The following GYPE variants were observed in gnomAD, a reference collection of about 807,000 sequenced individuals.
The protein encoded by GYPE is glycophorin-E.
GYPE carries 8 observed loss-of-function variants against 11.6 expected under a neutral mutation model. The ratio of observed to expected loss-of-function variants is 0.69; its 90% CI spans 0.41 to 1.25. The LOEUF (loss-of-function observed/expected upper bound fraction) is 1.25. Ranked by LOEUF, GYPE falls within the 50% of genes most tolerant of loss-of-function variation. The pLI, the probability that GYPE is intolerant of heterozygous loss-of-function variation, is 0.01. For missense variants in GYPE, 90 were observed against 92.8 expected (o/e 0.97, Z 0.12); for synonymous variants, 28 against 29.6 (o/e 0.94, Z 0.18).
At chr4:143,902,326 C>T (rs1182385314) in intron 1 of GYPE, among the ~76,000 whole-genome samples, 10 of 119,126 alleles carry the variant, frequency 8.4e-5, no homozygotes, top group African/African-American at 2.8e-4. Flanking sequence ...GCAAGGCTCT[C>T]TTCTTGGATC....
chr4:143,900,849 A>G (rs1297818279), intron 1 of GYPE, among the ~76,000 whole-genome samples: 11 of 152,152 alleles, frequency 7.2e-5, no homozygotes. Context: ...GTGGCTGCTA[A>G]TGGGTAAGAG....
At chr4:143,890,637 A>G (rs6537206) in intron 1 of GYPE, among the ~76,000 whole-genome samples, 141,219 of 152,222 alleles carry the variant, frequency 0.93, 66,460 homozygotes, top group East Asian at 1. Flanking sequence ...ATAGATTAAT[A>G]TATGTAAACT....
intron 1 of GYPE, among the ~76,000 whole-genome samples, chr4:143,898,845 A>G (rs1387857719): frequency 3.9e-5 from 6 of 152,120 alleles, no homozygotes; most frequent in Non-Finnish European, 8.8e-5. Context: ...AGAATAGTTC[A>G]GGAAAGGTAG....
intron 3 of GYPE, among the ~76,000 whole-genome samples, 159 bp downstream of exon 3, chr4:143,876,587 A>C (rs552943591): frequency 1.3e-4 from 20 of 152,292 alleles, no homozygotes; most frequent in African/African-American, 4.3e-4. Context: ...AAAATAAATT[A>C]TGCTAGAGAA....
intron 1 of GYPE, among the ~76,000 whole-genome samples, chr4:143,885,115 A>G (rs1023611193): frequency 1.7e-4 from 26 of 151,942 alleles, no homozygotes; most frequent in African/African-American, 4.4e-4. Context: ...TCACTTCTTA[A>G]CATTCCTTTG....
At chr4:143,876,887 G>C in intron 2 of GYPE, 32 bp from the exon 3 acceptor site, 2 of 1,220,250 alleles carry the variant, frequency 1.6e-6, no homozygotes, top group Non-Finnish European at 2.4e-6. Context: ...GCAAAATTAT[G>C]AAAGTCTGAA....
intron 1 of GYPE, among the ~76,000 whole-genome samples, chr4:143,903,275 C>T (rs2149918246): frequency 6.6e-6 from 1 of 151,324 alleles, no homozygotes; most frequent in South Asian, 2.1e-4. Context: ...TCCACTGTGC[C>T]CAACCTCCGT....
At chr4:143,875,088 G>A (rs1273959529) in intron 3 of GYPE, among the ~76,000 whole-genome samples, 17 of 152,124 alleles carry the variant, frequency 1.1e-4, no homozygotes, top group African/African-American at 4.1e-4. Context: ...GGCACCTTGG[G>A]TACTTGACTG....
chr4:143,894,253 G>C (rs1360997216), intron 1 of GYPE, among the ~76,000 whole-genome samples: 1 of 151,784 alleles, frequency 6.6e-6, no homozygotes, highest in Non-Finnish European at 1.5e-5. Flanking sequence ...CCTTTGGTTT[G>C]AATTTCCTCC....
intron 3 of GYPE, chr4:143,873,418 G>T (rs1335260155): frequency 2.2e-6 from 1 of 455,304 alleles, no homozygotes; most frequent in African/African-American, 2.0e-5. Flanking sequence ...AATAATAAAG[G>T]TCTAAAATTT....
At chr4:143,877,094 CAGAA>C (rs1434106905) in intron 2 of GYPE, among the ~76,000 whole-genome samples, 2 of 152,154 alleles carry the variant, frequency 1.3e-5, no homozygotes, top group African/African-American at 4.8e-5. Flanking sequence ...TAGTTGATGA[CAGAA>C]CTAAGACCTG....
rs1743617780 is a variant in GYPE at position 143,871,464 on chromosome 4, C to T, written c.*798G>A. ...ACTGAGTTTGTGTTCACTGCTGGGG[C>T]CAGATCTCTTTGCAGGGCTATGTTA... On this transcript the variant is annotated 3_prime_UTR_variant, in exon 4 of 4. Transcript: ENST00000358615. 1 of 152,142 alleles carries T rather than the reference C, an allele frequency of 6.6e-6. No individual in the cohort carries two copies. The highest frequency in any genetic ancestry group is 1.5e-5 in the Non-Finnish European group (1 of 68,102). 9.4% of individuals were successfully genotyped at this position (152,142 alleles called of 1,614,324 possible).
intron 2 of GYPE, among the ~76,000 whole-genome samples, chr4:143,878,067 C>T (rs1743878454): frequency 6.7e-6 from 1 of 150,272 alleles, no homozygotes; most frequent in Admixed American, 6.7e-5. Context: ...AAACATCTAA[C>T]TTAAGAGAAA....
chr4:143,886,356 A>G, intron 1 of GYPE, among the ~76,000 whole-genome samples: 1 of 148,526 alleles, frequency 6.7e-6, no homozygotes, highest in East Asian at 2.0e-4. Flanking sequence ...GAGAAACCAA[A>G]GAAACATCCT....
chr4:143,877,720 T>C (rs1743868770), intron 2 of GYPE, among the ~76,000 whole-genome samples: 1 of 151,690 alleles, frequency 6.6e-6, no homozygotes, highest in South Asian at 2.1e-4. Context: ...ATGTATGCGA[T>C]AGTGATGAAG....
rs1743634250 is a variant in GYPE at position 143,871,983 on chromosome 4, A to G, written c.*279T>C. On this transcript the variant is annotated 3_prime_UTR_variant, in exon 4 of 4. Coordinates refer to ENST00000358615, the MANE Select transcript of GYPE (RefSeq NM_198682.3). ...CCTAGGCAAGGGGACACCAAACACA[A>G]TGAGGCATGGGATAAGGATTTCGTG... is the stretch of plus-strand genomic sequence containing the variant. The G allele has an allele frequency of 6.6e-6, 1 of 152,124 alleles. No homozygotes were observed. Among genetic ancestry groups the G allele is most frequent in the African/African-American group, 2.4e-5 (1 of 41,398 alleles). The allele number at this position is 152,124 out of a possible 1,614,324, so 9.4% of individuals were successfully genotyped here.
chr4:143,881,862 G>C (rs745925756), intron 1 of GYPE, among the ~76,000 whole-genome samples: 4 of 152,186 alleles, frequency 2.6e-5, no homozygotes, highest in Non-Finnish European at 5.9e-5. Context: ...AGGTGGAAGG[G>C]CTTCTCCTCA....
chr4:143,897,261 C>T (rs1578976983), intron 1 of GYPE, among the ~76,000 whole-genome samples: 1 of 151,774 alleles, frequency 6.6e-6, no homozygotes, highest in Non-Finnish European at 1.5e-5. Flanking sequence ...GCCAGGAGCT[C>T]GAGACCACCC....
intron 1 of GYPE, among the ~76,000 whole-genome samples, chr4:143,885,233 T>A (rs1744187268): frequency 6.6e-6 from 1 of 152,150 alleles, no homozygotes; most frequent in Non-Finnish European, 1.5e-5. Flanking sequence ...CTCTTAAAAT[T>A]GGCACTTTAA....
Sources: gnomAD v4.1 joint callset for allele counts (sites outside exome capture counted in the v4.1 genomes callset) on GRCh38, gnomAD v4.1.1 for gene constraint, MANE v1.5 for transcripts, NCBI Gene and HGNC (gene_info 2026-07-23, HGNC 2026-07-21) for gene names.